Variants in AHNAK observed in about 807,000 individuals in gnomAD.
AHNAK encodes AHNAK nucleoprotein.
Under a neutral mutation model 37.8 loss-of-function variants are expected in AHNAK, and 23 were observed. That is an observed-to-expected ratio of 0.61 (90% CI 0.44 to 0.86). The LOEUF (loss-of-function observed/expected upper bound fraction) is 0.86. Among genes scored for constraint, AHNAK ranks in the 40% least tolerant of loss-of-function variants. The pLI, the probability that AHNAK is intolerant of heterozygous loss-of-function variation, is 0.00. For synonymous variants in AHNAK, 2,481 were observed against 2,636.3 expected (o/e 0.94, Z 1.80); for missense variants, 7,411 against 7,319.4 (o/e 1.01, Z -0.46).
At chr11:62,504,493 G>A (rs1939772082) in intron 4 of AHNAK, among the ~76,000 whole-genome samples, 1 of 152,118 alleles carries the variant, frequency 6.6e-6, no homozygotes, top group Non-Finnish European at 1.5e-5. Flanking sequence ...TGAAATTCAA[G>A]TTGTGAGCCG....
intron 5 of AHNAK, among the ~76,000 whole-genome samples, chr11:62,477,482 A>C (rs1939174940): frequency 6.6e-6 from 1 of 152,180 alleles, no homozygotes; most frequent in Admixed American, 6.5e-5. Flanking sequence ...CCTATGTAGC[A>C]AACATTCACA....
intron 5 of AHNAK, among the ~76,000 whole-genome samples, chr11:62,488,418 C>G (rs1939436736): frequency 6.7e-6 from 1 of 149,398 alleles, no homozygotes; most frequent in Admixed American, 6.6e-5. Flanking sequence ...TTTTTTTTTC[C>G]AAGACGGAGT....
At chr11:62,505,395 C>T (rs1276705315) in intron 4 of AHNAK, among the ~76,000 whole-genome samples, 1 of 152,166 alleles carries the variant, frequency 6.6e-6, no homozygotes, top group Admixed American at 6.5e-5. Context: ...AGACCAGGGT[C>T]TCATGCCCTT....
intron 4 of AHNAK, among the ~76,000 whole-genome samples, chr11:62,499,586 T>A (rs1939677730): frequency 6.6e-6 from 1 of 152,174 alleles, no homozygotes; most frequent in Admixed American, 6.5e-5. Flanking sequence ...AGTTGAGCTG[T>A]CGGCAGCTGC....
intron 4 of AHNAK, among the ~76,000 whole-genome samples, chr11:62,492,076 G>C (rs1165060209): frequency 6.6e-6 from 1 of 152,092 alleles, no homozygotes; most frequent in Non-Finnish European, 1.5e-5. Context: ...GTGAAAGCCC[G>C]GGGAATCTCA....
intron 5 of AHNAK, among the ~76,000 whole-genome samples, chr11:62,460,258 G>A (rs1210708481): frequency 6.6e-6 from 1 of 152,194 alleles, no homozygotes; most frequent in Admixed American, 6.6e-5. Context: ...CTGCACTCCA[G>A]CCTGGGTGAC....
At chr11:62,462,442 G>A (rs1026796297) in intron 5 of AHNAK, among the ~76,000 whole-genome samples, 5 of 152,174 alleles carry the variant, frequency 3.3e-5, no homozygotes, top group East Asian at 1.9e-4. Flanking sequence ...AACAGGCAAC[G>A]TTCCTTTGCC....
chr11:62,479,191 G>A (rs1245631798), intron 5 of AHNAK, among the ~76,000 whole-genome samples: 1 of 126,084 alleles, frequency 7.9e-6, no homozygotes, highest in Non-Finnish European at 1.6e-5. Flanking sequence ...TTTTGATACG[G>A]AGTTTCCCTC....
At chr11:62,446,829 CCT>C (rs1213463598) in intron 5 of AHNAK, among the ~76,000 whole-genome samples, 11 of 151,892 alleles carry the variant, frequency 7.2e-5, no homozygotes, top group Non-Finnish European at 1.5e-4. Flanking sequence ...AAATCTTTAC[CCT>C]CTCTCTCACC....
rs761914595 is a variant in AHNAK, at chr11:62,525,242, C to A, written c.9175G>T (p.Asp3059Tyr). 1.2e-6 allele frequency: 2 copies of A among 1,611,980 alleles called. No homozygotes were observed. Among genetic ancestry groups the A allele is most frequent in the African/African-American group, 2.7e-5 (2 of 74,134 alleles). ...ATATTCACATCTGGAACATCAATGT[C>A]CACCTTGGGTCCTGAGACATCAAGG... ...ADLDVSGPKV[D>Y]IDVPDVNIEG... Residue 3059 changes from aspartate (D) to tyrosine (Y), a missense_variant, in exon 5 of 5, where the codon GAC becomes TAC. By Grantham distance (160) the Asp-to-Tyr change is radical. Transcript: ENST00000378024.
chr11:62,435,414 CT>C (rs34365844), intron 5 of AHNAK, among the ~76,000 whole-genome samples: 41,390 of 150,332 alleles, frequency 0.28, 7,408 homozygotes, highest in East Asian at 0.61. Context: ...ATTTATTTAT[CT>C]TTTTTTTTTC....
chr11:62,453,936 G>A (rs1484399555), intron 5 of AHNAK, among the ~76,000 whole-genome samples: 8 of 151,796 alleles, frequency 5.3e-5, no homozygotes, highest in Non-Finnish European at 8.8e-5. Flanking sequence ...GTGAAACCCC[G>A]TCTCTACTAA....
intron 5 of AHNAK, among the ~76,000 whole-genome samples, chr11:62,462,386 A>G (rs563275512): frequency 8.5e-5 from 13 of 152,318 alleles, no homozygotes; most frequent in Admixed American, 3.3e-4. Context: ...ACAGAACTGG[A>G]AACTACTGAA....
chr11:62,437,770 A>C (rs1938207959), intron 5 of AHNAK, among the ~76,000 whole-genome samples: 1 of 152,202 alleles, frequency 6.6e-6, no homozygotes, highest in Non-Finnish European at 1.5e-5. Flanking sequence ...TACCTCTTCC[A>C]CACTCCCCAC....
chr11:62,530,615 T>C lies in AHNAK; in HGVS notation c.3802A>G (p.Lys1268Glu). The change falls in exon 5 of 5, where the codon AAA becomes GAA. Residue 1268 changes from lysine to glutamate, a missense_variant. Transcript: ENST00000378024. The part of the protein sequence containing the change: ...KMPKFSMPGF[K>E]GEGREVDVNL... ...ACATCCACTTCTCGGCCCTCTCCTT[T>C]GAAGCCAGGCATGCTAAACTTGGGC... 2.5e-6 allele frequency: 4 copies of C among 1,613,242 alleles called. No individual in the cohort carries two copies. In the South Asian group the frequency reaches 4.4e-5, roughly 18 times the overall value.
At chr11:62,473,342 A>C (rs1361243237) in intron 5 of AHNAK, among the ~76,000 whole-genome samples, 1 of 141,906 alleles carries the variant, frequency 7.0e-6, no homozygotes, top group Non-Finnish European at 1.5e-5. Context: ...GTGAGCCGAG[A>C]TCATGCCATT....
Position 62,529,247 on chromosome 11 carries a change from C to T in AHNAK, c.5170G>A (p.Gly1724Ser), listed in dbSNP as rs778330488. Residue 1724 changes from glycine to serine, a missense_variant, in exon 5 of 5, where the codon GGC becomes AGC. Gly to Ser is a moderately conservative substitution (Grantham distance 56). Coordinates refer to ENST00000378024, the MANE Select transcript of AHNAK (RefSeq NM_001620.3). ...KMKMPKFSMPGFKAEGPEVDV... is the reference protein window; with the variant it reads ...KMKMPKFSMPSFKAEGPEVDV... ...ACTTCAGGGCCCTCTGCTTTGAAGC[C>T]AGGCATACTGAACTTGGGCATTTTC... The T allele has an allele frequency of 1.2e-6, 2 of 1,614,190 alleles. No individual in the cohort carries two copies. Among genetic ancestry groups the T allele is most frequent in the Admixed American group, 1.7e-5 (1 of 60,010 alleles).
rs768459463 is a variant in AHNAK at position 62,528,762 on chromosome 11, T to C, written c.5655A>G (p.Thr1885=). The C allele has an allele frequency of 1.6e-5, 25 of 1,611,702 alleles. No homozygotes were observed. The Middle Eastern group carries it at 2.3e-3, about 149-fold the overall frequency. ...VSVPKLEGDL[T]GPSVGVEVPD... ...GCACCTCCACACCCACACTGGGGCCTGTTAAATCTCCCTCCAATTTTGGCA... is the reference window on the plus strand; with the variant it reads ...GCACCTCCACACCCACACTGGGGCCCGTTAAATCTCCCTCCAATTTTGGCA... The change falls in exon 5 of 5, where the codon ACA becomes ACG. Residue 1885 remains threonine, a synonymous_variant. Coordinates refer to ENST00000378024, the MANE Select transcript of AHNAK (RefSeq NM_001620.3).
At chr11:62,488,073 C>T (rs1370383052) in intron 5 of AHNAK, among the ~76,000 whole-genome samples, 1 of 152,250 alleles carries the variant, frequency 6.6e-6, no homozygotes, top group Non-Finnish European at 1.5e-5. Context: ...CTAAGCTCCA[C>T]AGACTTTCTC....
Sources: allele counts gnomAD v4.1 joint callset (sites outside exome capture counted in the v4.1 genomes callset), GRCh38; gene constraint gnomAD v4.1.1; transcripts MANE v1.5; gene names NCBI Gene and HGNC (gene_info 2026-07-23, HGNC 2026-07-21).